STYX: variants seen among roughly 807,000 people sequenced by gnomAD.
STYX encodes the protein serine/threonine/tyrosine interacting protein, also known as serine/threonine/tyrosine-interacting protein.
A neutral mutation model predicts 42.7 loss-of-function variants in STYX; 20 were observed. The ratio of observed to expected loss-of-function variants is 0.47; its 90% confidence interval spans 0.33 to 0.68. STYX has a LOEUF of 0.68. Ranked by LOEUF, STYX falls within the 30% of genes least tolerant of loss-of-function variation. The pLI is 0.02. For synonymous variants in STYX, 78 were observed against 81.9 expected, an observed-to-expected ratio of 0.95 and a Z score of 0.26; for missense variants, 226 against 268.5, an observed-to-expected ratio of 0.84 and a Z score of 1.11.
chr14:52,737,925 G>A (rs563358396), intron 1 of STYX, among the ~76,000 whole-genome samples: 5 of 152,186 alleles, frequency 3.3e-5, no homozygotes, highest in African/African-American at 9.6e-5. Flanking sequence ...ACAGGCGCCC[G>A]CCACCATGCC....
intron 3 of STYX, among the ~76,000 whole-genome samples, chr14:52,748,067 T>A (rs1179398690): frequency 1.3e-5 from 2 of 152,202 alleles, no homozygotes; most frequent in Non-Finnish European, 2.9e-5. Context: ...ACCATGGTCT[T>A]ATTAGACAGG....
intron 1 of STYX, among the ~76,000 whole-genome samples, chr14:52,738,753 G>T (rs915842816): frequency 2.0e-5 from 3 of 152,136 alleles, no homozygotes; most frequent in African/African-American, 4.8e-5. Flanking sequence ...TCCAAAAGAA[G>T]CTCAGTTTGC....
chr14:52,764,242 C>T (rs987905505), intron 9 of STYX, among the ~76,000 whole-genome samples: 2 of 152,172 alleles, frequency 1.3e-5, no homozygotes, highest in Non-Finnish European at 2.9e-5. Flanking sequence ...CCTCCCACCT[C>T]GGCCTCCCAA....
chr14:52,745,112 GTTTTTTTTTTGTTTT>G (rs1362676446), intron 2 of STYX, among the ~76,000 whole-genome samples: 1 of 138,800 alleles, frequency 7.2e-6, no homozygotes, highest in Non-Finnish European at 1.5e-5. Context: ...CTTTCTCTTG[GTTTTTTTTTTGTTTT>G]TTTTTTTTTT....
chr14:52,736,251 T>G (rs1320552353), intron 1 of STYX, among the ~76,000 whole-genome samples: 1 of 152,248 alleles, frequency 6.6e-6, no homozygotes, highest in African/African-American at 2.4e-5. Flanking sequence ...TTTTCCTGTT[T>G]GCCAGTTTCT....
chr14:52,771,236 T>C lies in STYX; in HGVS notation c.*130T>C. ...ATTACATGTTGCTTCCAGACATACT[T>C]CTCTGCAACTTGTTGAGCAACATTT... On this transcript the variant is annotated 3_prime_UTR_variant, in exon 11 of 11. Coordinates refer to ENST00000354586, the MANE Select transcript of STYX (RefSeq NM_145251.4). The C allele has an allele frequency of 1.4e-6, 1 of 720,766 alleles. No individual in the cohort carries two copies. Among genetic ancestry groups the C allele is most frequent in the Non-Finnish European group, 2.2e-6 (1 of 454,252 alleles). The allele number at this position is 720,766 out of a possible 1,614,324, so 44.6% of individuals were successfully genotyped here.
intron 2 of STYX, among the ~76,000 whole-genome samples, chr14:52,745,373 G>A (rs918671438): frequency 2.8e-4 from 43 of 152,148 alleles, no homozygotes; most frequent in African/African-American, 1.0e-3. Flanking sequence ...GACCTCAGGT[G>A]ATCCACCCAC....
In STYX at chr14:52,744,863, C is replaced by A. The variant is rs748431702; in HGVS notation, c.69C>A (p.Tyr23Ter). 1 of 1,613,298 alleles carries A rather than the reference C, an allele frequency of 6.2e-7. No homozygotes were observed. The highest frequency in any genetic ancestry group is 8.5e-7 in the Non-Finnish European group (1 of 1,179,730). The change falls in exon 2 of 11, where the codon TAC becomes TAA. Residue 23 changes from tyrosine to a stop codon, truncating the protein, a stop_gained. Transcript: ENST00000354586. LOFTEE classifies it high-confidence loss of function. ...GTTTTCCTTCCCAGGAGTGGACCTA[C>A]CCTATGAGACGAGAGATGCAGGTAT... ...QCKEDAEEWT[Y>*]PMRREMQEIL... is the part of the protein sequence containing the mutation.
chr14:52,736,229 C>G (rs992217216), intron 1 of STYX, among the ~76,000 whole-genome samples: 1 of 152,224 alleles, frequency 6.6e-6, no homozygotes, highest in Non-Finnish European at 1.5e-5. Flanking sequence ...GGCAACATTT[C>G]TTCAGAGAAG....
At chr14:52,733,616 C>T (rs1223975678) in intron 1 of STYX, among the ~76,000 whole-genome samples, 1 of 152,114 alleles carries the variant, frequency 6.6e-6, no homozygotes, top group Non-Finnish European at 1.5e-5. Flanking sequence ...ACTTACAGGA[C>T]TCAGGGAAGT....
chr14:52,732,962 CGAA>C, intron 1 of STYX, among the ~76,000 whole-genome samples: 1 of 152,250 alleles, frequency 6.6e-6, no homozygotes, highest in African/African-American at 2.4e-5. Flanking sequence ...TGAGCCACCG[CGAA>C]GGAGTATGCT....
chr14:52,762,232 G>A (rs1037441811), intron 9 of STYX, among the ~76,000 whole-genome samples: 1 of 152,042 alleles, frequency 6.6e-6, no homozygotes, highest in African/African-American at 2.4e-5. Context: ...CCTCTCACCG[G>A]TTTGTAAGAG....
At chr14:52,745,493 T>G (rs1253173337) in intron 2 of STYX, among the ~76,000 whole-genome samples, 1 of 152,246 alleles carries the variant, frequency 6.6e-6, no homozygotes. Flanking sequence ...GTATTCCTTT[T>G]GAAAGCAGTT....
At chr14:52,746,873 CTG>C (rs1042974654) in intron 3 of STYX, among the ~76,000 whole-genome samples, 2 of 152,118 alleles carry the variant, frequency 1.3e-5, no homozygotes, top group Admixed American at 1.3e-4. Flanking sequence ...AAGGGTAAGA[CTG>C]TGTGTGTTAA....
Position 52,730,542 on chromosome 14 carries a change from C to T in STYX, c.57+11C>T, listed in dbSNP as rs780263885. 4 of 1,612,168 alleles carry T rather than the reference C, an allele frequency of 2.5e-6. No individual in the cohort carries two copies. The highest frequency in any genetic ancestry group is 1.3e-5 in the African/African-American group (1 of 74,890). On this transcript the variant is annotated intron_variant, in intron 1 of 10. Coordinates refer to ENST00000354586, the MANE Select transcript of STYX (RefSeq NM_145251.4). Reference sequence around the variant, plus strand: ...AAGGAAGACGCCGAGGTGAGTCGCTCCCGTGGCTGCCACGCACAGGCCTCT... The same window carrying T: ...AAGGAAGACGCCGAGGTGAGTCGCTTCCGTGGCTGCCACGCACAGGCCTCT...
At chr14:52,769,952 TCA>T (rs1882450455) in intron 10 of STYX, among the ~76,000 whole-genome samples, 1 of 152,252 alleles carries the variant, frequency 6.6e-6, no homozygotes, top group Non-Finnish European at 1.5e-5. Context: ...TTTCTTTCTC[TCA>T]TTGTTCTTCT....
chr14:52,739,459 T>G (rs560776150), intron 1 of STYX, among the ~76,000 whole-genome samples: 1 of 152,190 alleles, frequency 6.6e-6, no homozygotes, highest in South Asian at 2.1e-4. Flanking sequence ...TTAGACTACT[T>G]GAGAATCTTT....
Position 52,756,145 on chromosome 14 carries a change from A to T in STYX, c.243-406A>T, listed in dbSNP as rs936812871. 9.9e-5 allele frequency among the ~76,000 whole-genome samples: 15 copies of T among 152,120 alleles called. 1 individual carries two copies. Among genetic ancestry groups the T allele is most frequent in the Admixed American group, 9.8e-4 (15 of 15,250 alleles). ...ACAGTTCTACCTCAGCCCCCTTAGT[A>T]GCTGGGACTATAAGTGCACACCACG... is the stretch of plus-strand genomic sequence containing the variant. On this transcript the variant is annotated intron_variant, in intron 4 of 10. Coordinates refer to ENST00000354586, the MANE Select transcript of STYX (RefSeq NM_145251.4).
intron 1 of STYX, among the ~76,000 whole-genome samples, chr14:52,736,749 T>A (rs896929970): frequency 6.6e-6 from 1 of 152,230 alleles, no homozygotes; most frequent in African/African-American, 2.4e-5. Flanking sequence ...TATTGTAGTT[T>A]AATTTATCTG....
Sources: gnomAD v4.1 joint callset for allele counts (sites outside exome capture counted in the v4.1 genomes callset) on GRCh38, gnomAD v4.1.1 for gene constraint, MANE v1.5 for transcripts, NCBI Gene and HGNC (gene_info 2026-07-23, HGNC 2026-07-21) for gene names.